Variants in IL21R observed in about 807,000 individuals in gnomAD.
IL21R encodes the protein interleukin-21 receptor.
IL21R carries 14 observed loss-of-function variants against 41.3 expected under a neutral mutation model. The ratio of observed to expected loss-of-function variants is 0.34; its 90% CI spans 0.22 to 0.53. IL21R has a LOEUF of 0.53. IL21R is among the 20% of genes least tolerant of loss of function. The pLI, the probability that IL21R is intolerant of heterozygous loss-of-function variation, is 0.94. For synonymous variants in IL21R, 286 were observed against 287.6 expected, an observed-to-expected ratio of 0.99 and a Z score of 0.05; for missense variants, 588 against 681.6, an observed-to-expected ratio of 0.86 and a Z score of 1.53.
intron 1 of IL21R, among the ~76,000 whole-genome samples, chr16:27,415,170 T>C (rs969753530): frequency 2.2e-4 from 34 of 152,254 alleles, no homozygotes; most frequent in African/African-American, 7.5e-4. Flanking sequence ...GCCAACACCA[T>C]AGACATCTCA....
chr16:27,418,650 A>G (rs140901978), intron 1 of IL21R, among the ~76,000 whole-genome samples: 17,144 of 152,112 alleles, frequency 0.11, 1,002 homozygotes, highest in South Asian at 0.16. Flanking sequence ...GATTACAGGC[A>G]TGAGCCGCTG....
chr16:27,443,199 G>A, intron 5 of IL21R, 83 bp downstream of exon 5: 2 of 1,269,052 alleles, frequency 1.6e-6, no homozygotes, highest in Non-Finnish European at 2.2e-6. Context: ...GGGAGAGACG[G>A]GTGAACAACA....
chr16:27,435,410 A>C (rs1463196509), intron 3 of IL21R, among the ~76,000 whole-genome samples: 1 of 152,098 alleles, frequency 6.6e-6, no homozygotes, highest in East Asian at 1.9e-4. Context: ...AGACACACAA[A>C]ACAACCAACA....
At chr16:27,430,154 G>A (rs1188843464) in intron 2 of IL21R, 34 bp downstream of exon 2, 2 of 1,587,416 alleles carry the variant, frequency 1.3e-6, no homozygotes, top group African/African-American at 1.3e-5. Flanking sequence ...CGGGTGGGGA[G>A]GGCCCCCATC....
At chr16:27,445,423 G>A in intron 7 of IL21R, 147 bp downstream of exon 7, 2 of 648,268 alleles carry the variant, frequency 3.1e-6, no homozygotes, top group Non-Finnish European at 5.6e-6. Context: ...ACCATGTGCT[G>A]GACACTGTGG....
At chr16:27,430,583 AG>A (rs2141284531) in intron 2 of IL21R, among the ~76,000 whole-genome samples, 1 of 152,268 alleles carries the variant, frequency 6.6e-6, no homozygotes, top group African/African-American at 2.4e-5. Flanking sequence ...TGGGAGGCTG[AG>A]GAGGGTAGGT....
intron 2 of IL21R, among the ~76,000 whole-genome samples, chr16:27,432,612 C>T (rs1038387090): frequency 8.5e-5 from 13 of 152,176 alleles, no homozygotes; most frequent in African/African-American, 2.9e-4. Context: ...GAAAGAACCA[C>T]GAGGATACGA....
intron 1 of IL21R, among the ~76,000 whole-genome samples, chr16:27,414,921 A>T (rs8048732): frequency 0.011 from 1,601 of 152,296 alleles, 15 homozygotes; most frequent in Admixed American, 0.026. Context: ...AGTTTGAGGC[A>T]CTAAGAAGGA....
intron 4 of IL21R, 91 bp from the exon 5 acceptor site, chr16:27,442,871 G>A: frequency 8.2e-7 from 1 of 1,218,654 alleles, no homozygotes; most frequent in Non-Finnish European, 1.2e-6. Flanking sequence ...AGGCAGGGGT[G>A]GGGGCAGGCA....
At chr16:27,432,275 A>T (rs1218910492) in intron 2 of IL21R, among the ~76,000 whole-genome samples, 1 of 152,212 alleles carries the variant, frequency 6.6e-6, no homozygotes, top group Non-Finnish European at 1.5e-5. Flanking sequence ...ACACCTCAAC[A>T]GCCTCTAGGG....
Position 27,443,006 on chromosome 16 carries a change from C to G in IL21R, c.397C>G (p.Gln133Glu). ...PFNVTVTFSGQYNISWRSDYE... is the reference protein window; with the variant it reads ...PFNVTVTFSGEYNISWRSDYE... The stretch of plus-strand genomic sequence containing the variant: ...CAACGTGACTGTGACCTTCTCAGGA[C>G]AGTATAATATCTCCTGGCGCTCAGA... The change falls in exon 5 of 9, where the codon CAG (glutamine) becomes GAG (glutamate). Residue 133 changes from glutamine to glutamate, a missense_variant. Gln to Glu is a conservative substitution (Grantham distance 29). Transcript: ENST00000337929. 6.2e-7 allele frequency: 1 copy of G among 1,613,602 alleles called. No individual in the cohort carries two copies. The highest frequency in any genetic ancestry group is 8.5e-7 in the Non-Finnish European group (1 of 1,179,694).
intron 3 of IL21R, 71 bp downstream of exon 3, chr16:27,434,520 G>A: frequency 2.1e-6 from 2 of 964,022 alleles, no homozygotes; most frequent in Non-Finnish European, 3.3e-6. Flanking sequence ...CCCCCAGGAG[G>A]ACACTGTGCA....
In IL21R at chr16:27,445,998, C is replaced by A. The variant is rs756596754; in HGVS notation, c.786-9C>A. 7 of 1,607,870 alleles carry A rather than the reference C, an allele frequency of 4.4e-6. No individual in the cohort carries two copies. The African/African-American group carries it at 9.4e-5, about 22-fold the overall frequency. ...ATGTCAGGGTCCTCACCCCTCTCTG[C>A]CCCCTCAGGCTATGGAAGAAGATAT... On this transcript the variant is annotated splice_polypyrimidine_tract_variant and intron_variant, in intron 7 of 8. Transcript: ENST00000337929.
chr16:27,421,668 G>T (rs761648642), intron 1 of IL21R, among the ~76,000 whole-genome samples: 22 of 152,042 alleles, frequency 1.4e-4, no homozygotes, highest in Non-Finnish European at 2.8e-4. Context: ...TTGCCAGTGT[G>T]TATAAAATAT....
chr16:27,422,113 T>C (rs963844141), intron 1 of IL21R, among the ~76,000 whole-genome samples: 2 of 152,152 alleles, frequency 1.3e-5, no homozygotes, highest in Admixed American at 6.5e-5. Flanking sequence ...AGTTGTTCCA[T>C]TGTCTGCTGT....
intron 1 of IL21R, among the ~76,000 whole-genome samples, chr16:27,408,349 C>G (rs533693223): frequency 3.3e-5 from 5 of 152,218 alleles, no homozygotes; most frequent in Non-Finnish European, 5.9e-5. Context: ...GTGAATGGAG[C>G]ATGTTGGTGA....
intron 1 of IL21R, among the ~76,000 whole-genome samples, chr16:27,422,694 A>G (rs2087016048): frequency 1.3e-5 from 2 of 152,196 alleles, no homozygotes; most frequent in South Asian, 4.1e-4. Context: ...ATTTTAAATC[A>G]TATCTGATAA....
At chr16:27,407,883 C>G (rs145813093) in intron 1 of IL21R, among the ~76,000 whole-genome samples, 1,504 of 60,970 alleles carry the variant, frequency 0.025, 18 homozygotes, top group Admixed American at 0.029. Flanking sequence ...ACATAAGGCT[C>G]TCAATCCCCT....
chr16:27,421,334 G>GCA (rs2086996893), intron 1 of IL21R, among the ~76,000 whole-genome samples: 2 of 22,656 alleles, frequency 8.8e-5, no homozygotes, highest in South Asian at 2.7e-3. Flanking sequence ...GTCAATTTCT[G>GCA]CAAAAAAAAA....
Sources: gnomAD v4.1 joint callset for allele counts (sites outside exome capture counted in the v4.1 genomes callset) on GRCh38, gnomAD v4.1.1 for gene constraint, MANE v1.5 for transcripts, NCBI Gene and HGNC (gene_info 2026-07-23, HGNC 2026-07-21) for gene names.